NRXN3: variants seen among roughly 807,000 people sequenced by gnomAD.
NRXN3 encodes the protein neurexin 3.
NRXN3 carries 32 observed loss-of-function variants against 137.6 expected under a neutral mutation model. That is an observed-to-expected ratio of 0.23 (90% CI 0.18 to 0.31). The LOEUF (loss-of-function observed/expected upper bound fraction) is 0.31. Ranked by LOEUF, NRXN3 falls within the 10% of genes least tolerant of loss-of-function variation. The pLI, the probability that NRXN3 is intolerant of heterozygous loss-of-function variation, is 1.00. For synonymous variants in NRXN3, 798 were observed against 784.5 expected, an observed-to-expected ratio of 1.02 and a Z score of -0.29; for missense variants, 1,574 against 2,062.5, an observed-to-expected ratio of 0.76 and a Z score of 4.59.
intron 15 of NRXN3, among the ~76,000 whole-genome samples, chr14:79,325,090 C>G (rs77678402): frequency 0.021 from 3,178 of 152,238 alleles, 110 homozygotes; most frequent in African/African-American, 0.073. Context: ...CCCAAACCCT[C>G]GCCATGCTTT....
chr14:78,396,002 T>C (rs1161905853), intron 4 of NRXN3, among the ~76,000 whole-genome samples: 1 of 152,084 alleles, frequency 6.6e-6, no homozygotes, highest in Non-Finnish European at 1.5e-5. Context: ...TATGTAAGGG[T>C]GTAAGTCTAC....
intron 4 of NRXN3, among the ~76,000 whole-genome samples, chr14:78,445,580 T>C (rs964436977): frequency 4.6e-5 from 7 of 152,196 alleles, no homozygotes; most frequent in Non-Finnish European, 1.0e-4. Flanking sequence ...ATGTTCTCTG[T>C]TCTACAGTGC....
At chr14:79,214,977 C>T (rs1222523217) in intron 15 of NRXN3, among the ~76,000 whole-genome samples, 1 of 152,082 alleles carries the variant, frequency 6.6e-6, no homozygotes, top group Non-Finnish European at 1.5e-5. Context: ...ATTGAAAGTT[C>T]TAGGGACACA....
Position 79,060,717 on chromosome 14 carries a change from A to G in NRXN3, c.3262+72576A>G, listed in dbSNP as rs542398446. On this transcript the variant is annotated intron_variant, in intron 15 of 20. Coordinates refer to ENST00000335750, the MANE Select transcript of NRXN3 (RefSeq NM_001330195.2). Reference sequence around the variant, plus strand: ...TCTCCGTGTCTCAGCTTCCTATAAAACTAGAATTATGAGATCTCTCTTATA... The same window carrying G: ...TCTCCGTGTCTCAGCTTCCTATAAAGCTAGAATTATGAGATCTCTCTTATA... Among the ~76,000 whole-genome samples the G allele has an allele frequency of 4.6e-5, 7 of 152,256 alleles. No individual in the cohort carries two copies. The South Asian group carries it at 6.2e-4, about 14-fold the overall frequency.
At chr14:78,606,148 A>T (rs1021296574) in intron 4 of NRXN3, among the ~76,000 whole-genome samples, 1 of 152,200 alleles carries the variant, frequency 6.6e-6, no homozygotes, top group Non-Finnish European at 1.5e-5. Flanking sequence ...AATCAAAGAC[A>T]TCTGTTCCCC....
intron 2 of NRXN3, among the ~76,000 whole-genome samples, chr14:78,249,841 C>T (rs183329003): frequency 0.015 from 2,347 of 152,160 alleles, 18 homozygotes; most frequent in Non-Finnish European, 0.025. Context: ...TTGAACCCCC[C>T]GTTTGGCATA....
chr14:78,408,660 G>C (rs2092647122), intron 4 of NRXN3, among the ~76,000 whole-genome samples: 1 of 152,166 alleles, frequency 6.6e-6, no homozygotes, highest in South Asian at 2.1e-4. Context: ...CCACTCCATA[G>C]GTGCCTCTGA....
chr14:79,042,891 A>AT lies in NRXN3; in HGVS notation c.3262+54762dup, dbSNP rs564236361. On this transcript the variant is annotated intron_variant, in intron 15 of 20. Coordinates refer to ENST00000335750, the MANE Select transcript of NRXN3 (RefSeq NM_001330195.2). The stretch of plus-strand genomic sequence containing the variant: ...AAACCAATCAAAATGCAGCAAAAGG[A>AT]TTTTTTTTTTTTGGTAAGATTTTGC... Among the ~76,000 whole-genome samples the AT allele has an allele frequency of 9.9e-3, 1,446 of 146,004 alleles. 15 individuals are homozygous for AT. The highest frequency in any genetic ancestry group is 0.032 in the African/African-American group (1,296 of 40,032).
intron 15 of NRXN3, among the ~76,000 whole-genome samples, chr14:79,066,534 T>C (rs1374596841): frequency 6.6e-6 from 1 of 152,136 alleles, no homozygotes; most frequent in Admixed American, 6.5e-5. Flanking sequence ...ATGTCAATGG[T>C]AGTTTAATGG....
chr14:79,491,966 A>C (rs2096721544), intron 16 of NRXN3, among the ~76,000 whole-genome samples: 1 of 152,234 alleles, frequency 6.6e-6, no homozygotes, highest in African/African-American at 2.4e-5. Flanking sequence ...TGGCAATTAC[A>C]AATCATAATT....
chr14:79,744,077 G>A (rs568137079), intron 19 of NRXN3, among the ~76,000 whole-genome samples: 24 of 152,132 alleles, frequency 1.6e-4, no homozygotes, highest in African/African-American at 5.5e-4. Flanking sequence ...TAATCCTAAT[G>A]CATAGATTGG....
chr14:78,681,644 CTGTT>C (rs1220878711), intron 6 of NRXN3, among the ~76,000 whole-genome samples: 1 of 152,110 alleles, frequency 6.6e-6, no homozygotes, highest in East Asian at 1.9e-4. Context: ...ATTTTATAGA[CTGTT>C]TGAGCCTAAA....
rs1230238104 is a variant in NRXN3 at position 78,409,599 on chromosome 14, C to T, written c.757+111739C>T. 2.0e-5 allele frequency among the ~76,000 whole-genome samples: 3 copies of T among 152,292 alleles called. No individual in the cohort carries two copies. In the East Asian group the frequency reaches 5.8e-4, roughly 29 times the overall value. On this transcript the variant is annotated intron_variant, in intron 4 of 20. Transcript: ENST00000335750. Reference sequence around the variant, plus strand: ...GATATGAATTTAGCATTCAAAGGCACCTGAGATGAGGAAGGCAGAAAGTGT... The same window carrying T: ...GATATGAATTTAGCATTCAAAGGCATCTGAGATGAGGAAGGCAGAAAGTGT...
At chr14:78,502,243 C>A (rs2095892783) in intron 4 of NRXN3, among the ~76,000 whole-genome samples, 1 of 152,168 alleles carries the variant, frequency 6.6e-6, no homozygotes, top group African/African-American at 2.4e-5. Context: ...CACAGGAACA[C>A]CCTGCCATGT....
At chr14:78,864,306 T>C (rs1348886459) in intron 10 of NRXN3, among the ~76,000 whole-genome samples, 1 of 152,190 alleles carries the variant, frequency 6.6e-6, no homozygotes, top group African/African-American at 2.4e-5. Flanking sequence ...TCCCTAACCA[T>C]GTAATCTTGG....
chr14:79,608,557 G>C (rs1014307240), intron 16 of NRXN3, among the ~76,000 whole-genome samples: 2 of 152,322 alleles, frequency 1.3e-5, no homozygotes, highest in Admixed American at 1.3e-4. Flanking sequence ...GGGATAAGCA[G>C]AGACTTGTTG....
At chr14:78,597,021 G>A (rs2097162766) in intron 4 of NRXN3, among the ~76,000 whole-genome samples, 1 of 152,190 alleles carries the variant, frequency 6.6e-6, no homozygotes, top group African/African-American at 2.4e-5. Flanking sequence ...CAGGATCCCT[G>A]ATCAACAGAG....
intron 2 of NRXN3, among the ~76,000 whole-genome samples, chr14:78,277,812 G>A (rs1366603122): frequency 6.6e-6 from 1 of 152,178 alleles, no homozygotes; most frequent in Non-Finnish European, 1.5e-5. Context: ...GGGGCTGATA[G>A]GCGCGAACCG....
At chr14:79,160,479 C>T (rs2060656356) in intron 15 of NRXN3, among the ~76,000 whole-genome samples, 1 of 151,938 alleles carries the variant, frequency 6.6e-6, no homozygotes, top group Admixed American at 6.6e-5. Context: ...TGAACTACAA[C>T]ACATTCTCTC....
Sources: allele counts gnomAD v4.1 joint callset (sites outside exome capture counted in the v4.1 genomes callset), GRCh38; gene constraint gnomAD v4.1.1; transcripts MANE v1.5; gene names NCBI Gene and HGNC (gene_info 2026-07-23, HGNC 2026-07-21).